The following GABRB2 variants were observed in gnomAD, a reference collection of about 807,000 sequenced individuals.
GABRB2 encodes the protein gamma-aminobutyric acid receptor subunit beta-2.
Under a neutral mutation model 54.7 loss-of-function variants are expected in GABRB2, and 16 were observed. The observed-to-expected ratio is 0.29, with a 90% CI of 0.20 to 0.44. GABRB2 has a LOEUF of 0.44. GABRB2 is among the 20% of genes least tolerant of loss of function. The probability of loss-of-function intolerance (pLI) is 1.00; values close to 1 mark genes in which losing one functional copy is unlikely to be tolerated. For synonymous variants in GABRB2, 244 were observed against 233.8 expected, an observed-to-expected ratio of 1.04 and a Z score of -0.40; for missense variants, 355 against 644.0, an observed-to-expected ratio of 0.55 and a Z score of 4.86.
chr5:161,519,892 C>A (rs1256131798), intron 3 of GABRB2, among the ~76,000 whole-genome samples: 2 of 152,020 alleles, frequency 1.3e-5, no homozygotes, highest in Admixed American at 1.3e-4. Flanking sequence ...ACAAGCCAAG[C>A]AAGGTCAAAG....
intron 3 of GABRB2, among the ~76,000 whole-genome samples, chr5:161,507,534 A>G (rs1403451081): frequency 2.0e-5 from 3 of 152,038 alleles, no homozygotes; most frequent in Non-Finnish European, 4.4e-5. Flanking sequence ...GTCAAAGGCA[A>G]GGAGAAAATT....
At chr5:161,333,217 A>G (rs952987987) in intron 7 of GABRB2, among the ~76,000 whole-genome samples, 1 of 152,170 alleles carries the variant, frequency 6.6e-6, no homozygotes, top group African/African-American at 2.4e-5. Context: ...ATATTTGCAA[A>G]TTTTATTCCT....
At chr5:161,431,186 T>A (rs967551003) in intron 4 of GABRB2, among the ~76,000 whole-genome samples, 1 of 152,182 alleles carries the variant, frequency 6.6e-6, no homozygotes, top group East Asian at 1.9e-4. Context: ...TTAAAATGCC[T>A]GTTTTATTTC....
At chr5:161,409,762 T>A (rs1392772795) in intron 5 of GABRB2, among the ~76,000 whole-genome samples, 1 of 152,196 alleles carries the variant, frequency 6.6e-6, no homozygotes, top group East Asian at 1.9e-4. Context: ...CTTTCTAAAT[T>A]GTAGCCGTAA....
In GABRB2 at chr5:161,498,017, A is replaced by T. The variant is rs539876298; in HGVS notation, c.238-38173T>A. 7.2e-5 allele frequency among the ~76,000 whole-genome samples: 11 copies of T among 152,328 alleles called. No individual in the cohort carries two copies. In the South Asian group the frequency reaches 2.3e-3, roughly 32 times the overall value. ...CTTTGAGAAACATTCTGAAATACTC[A>T]ACATTAAGAAATAGAGTAAACATAG... On this transcript the variant is annotated intron_variant, in intron 3 of 9. Transcript: ENST00000393959.
At chr5:161,350,864 T>TA (rs1322193129) in intron 5 of GABRB2, among the ~76,000 whole-genome samples, 1 of 152,094 alleles carries the variant, frequency 6.6e-6, no homozygotes, top group Non-Finnish European at 1.5e-5. Flanking sequence ...CTCTTGGACT[T>TA]ACACCAGTGA....
At chr5:161,534,035 G>T (rs1279690846) in intron 3 of GABRB2, among the ~76,000 whole-genome samples, 1 of 152,042 alleles carries the variant, frequency 6.6e-6, no homozygotes, top group Non-Finnish European at 1.5e-5. Flanking sequence ...CCCACAATGT[G>T]CTAATAACCA....
At chr5:161,425,524 G>A (rs1756973304) in intron 4 of GABRB2, among the ~76,000 whole-genome samples, 1 of 151,962 alleles carries the variant, frequency 6.6e-6, no homozygotes. Context: ...AATAAGGAAT[G>A]TACATTATTT....
chr5:161,477,190 C>T (rs1758617208), intron 3 of GABRB2, among the ~76,000 whole-genome samples: 1 of 149,526 alleles, frequency 6.7e-6, no homozygotes, highest in Non-Finnish European at 1.5e-5. Flanking sequence ...TTCTGAAAAT[C>T]ACTAATCATT....
chr5:161,541,674 T>C (rs1363460324), intron 3 of GABRB2, among the ~76,000 whole-genome samples: 1 of 152,262 alleles, frequency 6.6e-6, no homozygotes, highest in African/African-American at 2.4e-5. Context: ...TAAGCCTTCA[T>C]AGAATCAAAT....
Position 161,447,775 on chromosome 5 carries a change from A to T in GABRB2, c.458+11849T>A, listed in dbSNP as rs186474331. On this transcript the variant is annotated intron_variant, in intron 4 of 9. Transcript: ENST00000393959. Reference sequence around the variant, plus strand: ...TTTTACCAAAAGTCTTTTAACAAACATTTTTGGCAGTAACTTCCATAGGTT... The same window carrying T: ...TTTTACCAAAAGTCTTTTAACAAACTTTTTTGGCAGTAACTTCCATAGGTT... Among the ~76,000 whole-genome samples the T allele has an allele frequency of 2.3e-3, 343 of 152,310 alleles. 10 individuals are homozygous for T. Among genetic ancestry groups the T allele is most frequent in the Admixed American group, 0.02 (310 of 15,288 alleles).
At chr5:161,316,357 G>A (rs1758028014) in intron 9 of GABRB2, among the ~76,000 whole-genome samples, 1 of 149,442 alleles carries the variant, frequency 6.7e-6, no homozygotes, top group Non-Finnish European at 1.5e-5. Flanking sequence ...TCCAAGATTG[G>A]AAAAAAAAAA....
intron 4 of GABRB2, among the ~76,000 whole-genome samples, chr5:161,422,113 A>C (rs1266244051): frequency 2.6e-5 from 4 of 152,122 alleles, no homozygotes; most frequent in Non-Finnish European, 5.9e-5. Context: ...TAATTAGACA[A>C]TATTTATCAA....
At position 161,476,343 on chromosome 5, in the gene GABRB2, T is replaced by C. The variant is rs1432792212; in HGVS notation, c.238-16499A>G. 2.0e-5 allele frequency among the ~76,000 whole-genome samples: 3 copies of C among 151,926 alleles called. No individual in the cohort carries two copies. In the Admixed American group the frequency reaches 2.0e-4, roughly 10 times the overall value. ...TCAAGGTTTGGAAGGCTTAGTATTG[T>C]TAAGATGTCAACACTACCCACGGTA... On this transcript the variant is annotated intron_variant, in intron 3 of 9. Coordinates refer to ENST00000393959, the MANE Select transcript of GABRB2 (RefSeq NM_001371727.1).
At chr5:161,529,782 C>T (rs1760401291) in intron 3 of GABRB2, among the ~76,000 whole-genome samples, 1 of 151,916 alleles carries the variant, frequency 6.6e-6, no homozygotes, top group Admixed American at 6.6e-5. Context: ...TGGTTTTAAA[C>T]TATTAAATGG....
At chr5:161,369,133 T>A (rs1755057777) in intron 5 of GABRB2, among the ~76,000 whole-genome samples, 1 of 152,216 alleles carries the variant, frequency 6.6e-6, no homozygotes, top group Non-Finnish European at 1.5e-5. Flanking sequence ...TCTTTAGATC[T>A]TATTATTAGA....
At position 161,294,084 on chromosome 5, in the gene GABRB2, G is replaced by A. The variant is rs370433022; in HGVS notation, c.1536C>T (p.Asn512=). 1 of 1,608,084 alleles carries A rather than the reference G, an allele frequency of 6.2e-7. No homozygotes were observed. The highest frequency in any genetic ancestry group is 1.3e-5 in the African/African-American group (1 of 74,712). The change falls in exon 10 of 10, where the codon AAC becomes AAT. Residue 512 remains asparagine (N), a synonymous_variant. Coordinates refer to ENST00000393959, the MANE Select transcript of GABRB2 (RefSeq NM_001371727.1). ...GCTTCCAGTGGGAGGCCATGTTTTA[G>A]TTCACATAATAAAGCCAATAGACGA... ...FNIVYWLYYV[N]
intron 4 of GABRB2, among the ~76,000 whole-genome samples, chr5:161,436,757 G>T (rs1269010580): frequency 6.6e-6 from 1 of 152,166 alleles, no homozygotes; most frequent in Non-Finnish European, 1.5e-5. Context: ...AAAAGAGTTT[G>T]AATTGCTAGC....
At position 161,288,702 on chromosome 5, in the gene GABRB2, A is replaced by G. The variant is rs1757152220; in HGVS notation, c.*5379T>C. On this transcript the variant is annotated 3_prime_UTR_variant, in exon 10 of 10. Coordinates refer to ENST00000393959, the MANE Select transcript of GABRB2 (RefSeq NM_001371727.1). ...ATCGGAAAATGTGCATTATGTGCAT[A>G]TTAAGAAAGGCTACAAGGTAATTAG... is the stretch of plus-strand genomic sequence containing the variant. 1 of 152,618 alleles carries G rather than the reference A, an allele frequency of 6.6e-6. No individual in the cohort carries two copies. The highest frequency in any genetic ancestry group is 1.9e-4 in the East Asian group (1 of 5,196). 9.5% of individuals were successfully genotyped at this position (152,618 alleles called of 1,614,324 possible).
Sources: gnomAD v4.1 joint callset for allele counts (sites outside exome capture counted in the v4.1 genomes callset) on GRCh38, gnomAD v4.1.1 for gene constraint, MANE v1.5 for transcripts, NCBI Gene and HGNC (gene_info 2026-07-23, HGNC 2026-07-21) for gene names.